The following HSPG2 variants were observed in gnomAD, a reference collection of about 807,000 sequenced individuals.
HSPG2 encodes basement membrane-specific heparan sulfate proteoglycan core protein.
Under a neutral mutation model 526.6 loss-of-function variants are expected in HSPG2, and 278 were observed. The observed-to-expected ratio is 0.53, with a 90% CI of 0.48 to 0.58. The LOEUF (loss-of-function observed/expected upper bound fraction) is 0.58. Ranked by LOEUF, HSPG2 falls within the 20% of genes least tolerant of loss-of-function variation. The pLI, the probability that HSPG2 is intolerant of heterozygous loss-of-function variation, is 0.00. For synonymous variants in HSPG2, 2,465 were observed against 2,555.4 expected (o/e 0.96, Z 1.07); for missense variants, 5,354 against 6,099.5 (o/e 0.88, Z 4.07).
chr1:21,833,028 G>A (rs1015406535), intron 80 of HSPG2: 9 of 592,124 alleles, frequency 1.5e-5, no homozygotes, highest in Middle Eastern at 4.5e-4. Flanking sequence ...GTGATGCCCC[G>A]GTGGCAGAGG....
At chr1:21,827,219 C>T (rs1003043884) in intron 91 of HSPG2, among the ~76,000 whole-genome samples, 1 of 152,072 alleles carries the variant, frequency 6.6e-6, no homozygotes, top group Non-Finnish European at 1.5e-5. Flanking sequence ...AAAAAAAATG[C>T]ACTAAGTAAT....
At chr1:21,875,302 C>G (rs570464871) in intron 25 of HSPG2, 6 of 594,430 alleles carry the variant, frequency 1.0e-5, no homozygotes, top group Middle Eastern at 4.5e-4. Flanking sequence ...GATCACTCTC[C>G]GGCGAATGAC....
intron 25 of HSPG2, 106 bp from the exon 26 acceptor site, chr1:21,875,108 A>C (rs906761090): frequency 3.8e-5 from 32 of 845,696 alleles, no homozygotes; most frequent in African/African-American, 2.8e-4. Context: ...CAGCCCTGTC[A>C]CAGTGCTGCT....
In HSPG2 at chr1:21,847,664, C is replaced by A; in HGVS notation, c.8025+25G>T. The stretch of plus-strand genomic sequence containing the variant: ...ACCCCAGGAGACCATGGTTCCACCC[C>A]CGCTGCTGTGGCTCCACTCTGTACC... On this transcript the variant is annotated intron_variant, in intron 61 of 96. Coordinates refer to ENST00000374695, the MANE Select transcript of HSPG2 (RefSeq NM_005529.7). This position sits in a 1 kb window ranked among gnomAD's most constrained non-coding sequence, Gnocchi z 4.1. The A allele has an allele frequency of 6.2e-7, 1 of 1,601,926 alleles. No homozygotes were observed. The highest frequency in any genetic ancestry group is 8.5e-7 in the Non-Finnish European group (1 of 1,174,460).
Position 21,824,799 on chromosome 1 carries a change from G to A in HSPG2, c.12590-20C>T. The A allele has an allele frequency of 6.2e-7, 1 of 1,603,146 alleles. No individual in the cohort carries two copies. The highest frequency in any genetic ancestry group is 8.5e-7 in the Non-Finnish European group (1 of 1,173,610). ...GGGCATCTGTGGGAGAGAGGAGGGT[G>A]GTGCCATACCTGCTGCATCAGGCAT... On this transcript the variant is annotated intron_variant, in intron 91 of 96. Transcript: ENST00000374695. The surrounding 1 kb of genome is among the most constrained non-coding windows in gnomAD (Gnocchi z 5.9).
chr1:21,823,908 A>C lies in HSPG2; in HGVS notation c.12900-189T>G, dbSNP rs562192551. On this transcript the variant is annotated intron_variant, in intron 95 of 96. Coordinates refer to ENST00000374695, the MANE Select transcript of HSPG2 (RefSeq NM_005529.7). ...ACACAGCTTCCTCATTTCTGCACCC[A>C]GGTTTCCTCCCACTCCTGGGGCACT... 26 of 721,972 alleles carry C rather than the reference A, an allele frequency of 3.6e-5. No individual in the cohort carries two copies. The South Asian group carries it at 4.2e-4, about 12-fold the overall frequency. The allele number at this position is 721,972 out of a possible 1,614,324, so 44.7% of individuals were successfully genotyped here. A position where few individuals can be genotyped will look rare whatever the true frequency, so the allele number is the denominator to read the frequency against.
In HSPG2 at chr1:21,890,245, C is replaced by T; in HGVS notation, c.414-104G>A. 1.4e-6 allele frequency: 2 copies of T among 1,453,498 alleles called. No individual in the cohort carries two copies. Among genetic ancestry groups the T allele is most frequent in the East Asian group, 4.5e-5 (2 of 44,122 alleles). 90.0% of individuals were successfully genotyped at this position (1,453,498 alleles called of 1,614,324 possible). A position where few individuals can be genotyped will look rare whatever the true frequency, so the allele number is the denominator to read the frequency against. On this transcript the variant is annotated intron_variant, in intron 5 of 96. Transcript: ENST00000374695. This position sits in a 1 kb window ranked among gnomAD's most constrained non-coding sequence, Gnocchi z 4.1. ...ACGCTCAGGCCCTGTTCCGGGACAG[C>T]CTGTACCCAAAGAAGGGCAACTAAA...
Position 21,874,007 on chromosome 1 carries a change from C to T in HSPG2, c.3661G>A (p.Ala1221Thr). The change falls in exon 29 of 97, where the codon GCC becomes ACC. Residue 1221 changes from alanine (A) to threonine (T), a missense_variant. By Grantham distance (58) the Ala-to-Thr change is moderately conservative (BLOSUM62 0). Transcript: ENST00000374695. ...CYGDPAAGQA[A>T]HTCFLDTDGH... is the part of the protein sequence containing the mutation. The stretch of plus-strand genomic sequence containing the variant: ...TCTGTGTCCAGAAAACAAGTGTGGG[C>T]AGCCCTGAGTGTGGGGGCAGATTTC... The T allele has an allele frequency of 6.2e-7, 1 of 1,601,548 alleles. No individual in the cohort carries two copies. Among genetic ancestry groups the T allele is most frequent in the Non-Finnish European group, 8.5e-7 (1 of 1,173,618 alleles).
chr1:21,848,233 G>T lies in HSPG2; in HGVS notation c.7738-140C>A. The T allele has an allele frequency of 9.8e-7, 1 of 1,021,294 alleles. No homozygotes were observed. Among genetic ancestry groups the T allele is most frequent in the Non-Finnish European group, 1.5e-6 (1 of 682,014 alleles). 63.3% of individuals were successfully genotyped at this position (1,021,294 alleles called of 1,614,324 possible). A position where few individuals can be genotyped will look rare whatever the true frequency, so the allele number is the denominator to read the frequency against. Reference sequence around the variant, plus strand: ...GTGGCCTTCGTGAAGCTCCCAGCATGGCATGTGGCCTGTCTCTGGGCTGGG... The same window carrying T: ...GTGGCCTTCGTGAAGCTCCCAGCATTGCATGTGGCCTGTCTCTGGGCTGGG... On this transcript the variant is annotated intron_variant, in intron 59 of 96. Transcript: ENST00000374695. The surrounding 1 kb of genome is among the most constrained non-coding windows in gnomAD (Gnocchi z 4.9).
chr1:21,830,532 G>A, intron 85 of HSPG2: 1 of 270,626 alleles, frequency 3.7e-6, no homozygotes, highest in African/African-American at 2.2e-5. Context: ...TACTAAAAAT[G>A]CAAAAAATTT....
chr1:21,881,243 T>C (rs1641480369), intron 14 of HSPG2, 96 bp downstream of exon 14: 8 of 1,438,688 alleles, frequency 5.6e-6, no homozygotes, highest in Non-Finnish European at 7.8e-6. Context: ...GGTAACACCT[T>C]TCCCTCCAAG....
Position 21,895,764 on chromosome 1 carries a change from G to A in HSPG2, c.244+158C>T, listed in dbSNP as rs1413643871. Among the ~76,000 whole-genome samples the A allele has an allele frequency of 6.6e-6, 1 of 152,210 alleles. No individual in the cohort carries two copies. Among genetic ancestry groups the A allele is most frequent in the African/African-American group, 2.4e-5 (1 of 41,450 alleles). Reference sequence around the variant, plus strand: ...CAGCCTTGCAGGGACCTGCCAATCAGTCTGCACAACTGTCACTCAGCAGGT... The same window carrying A: ...CAGCCTTGCAGGGACCTGCCAATCAATCTGCACAACTGTCACTCAGCAGGT... On this transcript the variant is annotated intron_variant, in intron 3 of 96. Transcript: ENST00000374695. This position sits in a 1 kb window ranked among gnomAD's most constrained non-coding sequence, Gnocchi z 4.1.
chr1:21,843,449 TG>T lies in HSPG2; in HGVS notation c.8617-12del. On this transcript the variant is annotated splice_polypyrimidine_tract_variant and intron_variant, in intron 65 of 96. Transcript: ENST00000374695. Reference sequence around the variant, plus strand: ...CAGTGGGCCGTGGACCTGGCCAAGGTGGGGTGAGAGCGGGGAGGGTGAGCTG... The same window carrying T: ...CAGTGGGCCGTGGACCTGGCCAAGGTGGGTGAGAGCGGGGAGGGTGAGCTG... 1 of 1,608,368 alleles carries T rather than the reference TG, an allele frequency of 6.2e-7. No individual in the cohort carries two copies. The highest frequency in any genetic ancestry group is 2.2e-5 in the East Asian group (1 of 44,646).
intron 1 of HSPG2, among the ~76,000 whole-genome samples, chr1:21,902,138 C>G (rs1643133153): frequency 6.6e-6 from 1 of 152,240 alleles, no homozygotes; most frequent in South Asian, 2.1e-4. Flanking sequence ...CTTTGTTGTA[C>G]AAACTGCCAG....
At chr1:21,861,565 G>A (rs1040168528) in intron 39 of HSPG2, among the ~76,000 whole-genome samples, 192 bp downstream of exon 39, 2 of 152,188 alleles carry the variant, frequency 1.3e-5, no homozygotes, top group Admixed American at 1.3e-4. Flanking sequence ...GAAGTGGGAT[G>A]AGACTGCTAC....
intron 33 of HSPG2, among the ~76,000 whole-genome samples, chr1:21,866,908 G>A (rs1235392736): frequency 1.3e-5 from 2 of 152,168 alleles, no homozygotes; most frequent in Non-Finnish European, 2.9e-5. Context: ...TGAGCTCAAG[G>A]CATGGTAAGG....
At position 21,847,818 on chromosome 1, in the gene HSPG2, G is replaced by C; in HGVS notation, c.7896C>G (p.Ile2632Met). The C allele has an allele frequency of 6.2e-7, 1 of 1,613,950 alleles. No homozygotes were observed. The highest frequency in any genetic ancestry group is 8.5e-7 in the Non-Finnish European group (1 of 1,180,022). The stretch of plus-strand genomic sequence containing the variant: ...CCGTGGGGGAAGACGACTCGATCCT[G>C]ATCGGTGGGGAGACGCTGGGCACTG... ...SSHVPSVSPPIRIESSSPTVV... is the reference protein window; with the variant it reads ...SSHVPSVSPPMRIESSSPTVV... The change falls in exon 61 of 97, where the codon ATC (isoleucine) becomes ATG (methionine). Residue 2632 changes from isoleucine to methionine, a missense_variant. Ile to Met is a conservative substitution (Grantham distance 10, BLOSUM62 1). Transcript: ENST00000374695. The surrounding 1 kb of genome is among the most constrained non-coding windows in gnomAD (Gnocchi z 4.1).
At position 21,843,167 on chromosome 1, in the gene HSPG2, G is replaced by A; in HGVS notation, c.8758+130C>T. The A allele has an allele frequency of 2.9e-6, 4 of 1,374,830 alleles. No individual in the cohort carries two copies. The South Asian group carries it at 4.8e-5, about 17-fold the overall frequency. The allele number at this position is 1,374,830 out of a possible 1,614,324, so 85.2% of individuals were successfully genotyped here. A position where few individuals can be genotyped will look rare whatever the true frequency, so the allele number is the denominator to read the frequency against. On this transcript the variant is annotated intron_variant, in intron 66 of 96. Coordinates refer to ENST00000374695, the MANE Select transcript of HSPG2 (RefSeq NM_005529.7). Reference sequence around the variant, plus strand: ...GACTTGGGAACACCTGGGTTGGCTTGATCCTCCGTGGTAGGAAACCCCGCC... The same window carrying A: ...GACTTGGGAACACCTGGGTTGGCTTAATCCTCCGTGGTAGGAAACCCCGCC...
intron 6 of HSPG2, 185 bp downstream of exon 6, chr1:21,889,796 C>A: frequency 1.5e-6 from 1 of 664,576 alleles, no homozygotes; most frequent in Non-Finnish European, 2.7e-6. Context: ...CGGGTATGTG[C>A]TAGAGGAAAC....
Sources: gnomAD v4.1 joint callset for allele counts (sites outside exome capture counted in the v4.1 genomes callset) on GRCh38, gnomAD v4.1.1 for gene constraint, Gnocchi (gnomAD v3.1) non-coding constraint, MANE v1.5 for transcripts, NCBI Gene and HGNC (gene_info 2026-07-23, HGNC 2026-07-21) for gene names.